Variants in NTRK3 observed in about 807,000 individuals in gnomAD.
NTRK3 encodes the protein neurotrophic receptor tyrosine kinase 3.
NTRK3 carries 24 observed loss-of-function variants against 91.7 expected under a neutral mutation model. That is an observed-to-expected ratio of 0.26 (90% confidence interval 0.19 to 0.37). NTRK3 has a LOEUF of 0.37. Ranked by LOEUF, NTRK3 falls within the 10% of genes least tolerant of loss-of-function variation. The pLI, the probability that NTRK3 is intolerant of heterozygous loss-of-function variation, is 1.00. For synonymous variants in NTRK3, 483 were observed against 404.0 expected, an observed-to-expected ratio of 1.20 and a Z score of -2.34; for missense variants, 880 against 1,068.9, an observed-to-expected ratio of 0.82 and a Z score of 2.46.
chr15:88,080,243 A>G (rs1005543510), intron 13 of NTRK3, among the ~76,000 whole-genome samples: 2 of 152,340 alleles, frequency 1.3e-5, no homozygotes, highest in East Asian at 3.9e-4. Flanking sequence ...GGAATTGCTC[A>G]GTCAAAGAGA....
At chr15:88,061,703 C>T (rs950314588) in intron 13 of NTRK3, among the ~76,000 whole-genome samples, 2 of 152,232 alleles carry the variant, frequency 1.3e-5, no homozygotes, top group Non-Finnish European at 2.9e-5. Flanking sequence ...GAGCAGACGT[C>T]AGAGAGGCTG....
At chr15:88,118,935 C>T (rs1597415864) in intron 13 of NTRK3, among the ~76,000 whole-genome samples, 1 of 152,206 alleles carries the variant, frequency 6.6e-6, no homozygotes, top group African/African-American at 2.4e-5. Flanking sequence ...TAGAGCCAAG[C>T]ATAGTGGTCA....
intron 13 of NTRK3, among the ~76,000 whole-genome samples, chr15:88,092,701 G>C (rs762564120): frequency 6.6e-6 from 1 of 152,190 alleles, no homozygotes; most frequent in African/African-American, 2.4e-5. Context: ...ACTCCCTCTG[G>C]AGGCTCTGGG....
chr15:87,977,876 T>C (rs2073863720), intron 14 of NTRK3: 1 of 232,794 alleles, frequency 4.3e-6, no homozygotes, highest in East Asian at 6.1e-5. Flanking sequence ...TAAGTGGGAA[T>C]CCAAACTCCC....
At chr15:87,902,685 C>T (rs1386420928) in intron 17 of NTRK3, among the ~76,000 whole-genome samples, 3 of 152,038 alleles carry the variant, frequency 2.0e-5, no homozygotes, top group Non-Finnish European at 2.9e-5. Context: ...CAGTACATTG[C>T]CTTTTTGCTT....
exon 19 of NTRK3, chr15:87,875,464 C>G (rs1168749499): frequency 4.3e-6 from 1 of 232,234 alleles, no homozygotes; most frequent in Non-Finnish European, 8.5e-6. Flanking sequence ...TGTTTCCTTC[C>G]CTCTCTCCGG....
intron 13 of NTRK3, among the ~76,000 whole-genome samples, chr15:88,045,287 G>A (rs1235387508): frequency 1.3e-5 from 2 of 152,108 alleles, no homozygotes; most frequent in Non-Finnish European, 2.9e-5. Context: ...AAGCAGTAAG[G>A]AACCTGTCTG....
Position 88,062,714 on chromosome 15 carries a change from T to G in NTRK3, c.1397-29669A>C, listed in dbSNP as rs1206645584. On this transcript the variant is annotated intron_variant, in intron 13 of 18. Transcript: ENST00000394480. ...TCCATTTTCAAAAAGCCATTGTTAT[T>G]TGGAGCTTCTCTGCTACTCACAGCC... 2.6e-5 allele frequency among the ~76,000 whole-genome samples: 4 copies of G among 152,260 alleles called. No individual in the cohort carries two copies. In the East Asian group the frequency reaches 7.7e-4, roughly 29 times the overall value.
chr15:88,010,541 T>C (rs1213725669), intron 14 of NTRK3, among the ~76,000 whole-genome samples: 2 of 150,374 alleles, frequency 1.3e-5, no homozygotes, highest in Non-Finnish European at 3.0e-5. Flanking sequence ...GAAACTATGC[T>C]TTTTTTTTGG....
At position 88,243,540 on chromosome 15, in the gene NTRK3, A is replaced by G. The variant is rs201474513; in HGVS notation, c.248+12366T>C. Among the ~76,000 whole-genome samples the G allele has an allele frequency of 1.2e-4, 1 of 8,510 alleles. No homozygotes were observed. The highest frequency in any genetic ancestry group is 4.8e-3 in the South Asian group (1 of 208). 5.6% of individuals were successfully genotyped at this position (8,510 alleles called of 152,430 possible). On this transcript the variant is annotated intron_variant, in intron 3 of 18. Transcript: ENST00000394480. The surrounding 1 kb of genome is among the most constrained non-coding windows in gnomAD (Gnocchi z 4.8). ...TGATCCCATCCCCCATAGCATGCAC[A>G]CACACACACACACACACACACACAC...
chr15:88,126,471 A>G lies in NTRK3; in HGVS notation c.1294-98T>C, dbSNP rs907617570. ...CCCAGATAAGAACAGTCCTACTGCC[A>G]TAGTAATTGTAGCCTTCTCAGAACT... On this transcript the variant is annotated intron_variant, in intron 12 of 18. Transcript: ENST00000394480. The G allele has an allele frequency of 4.0e-6, 3 of 754,756 alleles. No individual in the cohort carries two copies. In the African/African-American group the frequency reaches 5.2e-5, roughly 13 times the overall value. 46.8% of individuals were successfully genotyped at this position (754,756 alleles called of 1,614,324 possible).
At chr15:87,949,922 G>A (rs184573739) in intron 14 of NTRK3, among the ~76,000 whole-genome samples, 3 of 152,292 alleles carry the variant, frequency 2.0e-5, no homozygotes, top group Admixed American at 2.0e-4. Flanking sequence ...CTGACAACTT[G>A]CTGGGCCCCC....
chr15:88,027,285 T>C (rs1596793796), intron 14 of NTRK3, among the ~76,000 whole-genome samples: 1 of 152,184 alleles, frequency 6.6e-6, no homozygotes, highest in Admixed American at 6.5e-5. Flanking sequence ...TAGTTAAAGA[T>C]CGCATAAGAA....
chr15:87,963,586 C>T (rs1252883166), intron 14 of NTRK3, among the ~76,000 whole-genome samples: 1 of 152,138 alleles, frequency 6.6e-6, no homozygotes, highest in African/African-American at 2.4e-5. Flanking sequence ...ATAAAGTAAG[C>T]TTTGTGTTAC....
chr15:88,097,131 T>C (rs1055539131), intron 13 of NTRK3, among the ~76,000 whole-genome samples: 1 of 152,226 alleles, frequency 6.6e-6, no homozygotes, highest in African/African-American at 2.4e-5. Context: ...ATCTCTGATA[T>C]ATTGGGCTAA....
intron 8 of NTRK3, 150 bp downstream of exon 8, chr15:88,136,317 C>A: frequency 9.1e-7 from 1 of 1,098,966 alleles, no homozygotes. Flanking sequence ...ATGTATAGAG[C>A]GAAATGGCTA....
In NTRK3 at chr15:87,868,722, A is replaced by G. The variant is rs1356925086; in HGVS notation, c.*8213T>C. On this transcript the variant is annotated 3_prime_UTR_variant, in exon 19 of 19. Transcript: ENST00000394480. ...AGGTTCTATGTGGCTGTTGTGCCAC[A>G]ATGTGGAATTATAGAGTGAGTCTGG... 3.6e-5 allele frequency: 8 copies of G among 221,058 alleles called. No individual in the cohort carries two copies. In the South Asian group the frequency reaches 1.5e-3, roughly 41 times the overall value. The allele number at this position is 221,058 out of a possible 1,614,324, so 13.7% of individuals were successfully genotyped here. A position where few individuals can be genotyped will look rare whatever the true frequency, so the allele number is the denominator to read the frequency against.
intron 5 of NTRK3, among the ~76,000 whole-genome samples, chr15:88,163,862 G>C (rs1050806585): frequency 1.3e-5 from 2 of 152,118 alleles, no homozygotes; most frequent in Non-Finnish European, 2.9e-5. Context: ...TCCCACTTTG[G>C]ACAATGTGTT....
At chr15:88,168,407 C>T (rs2045193395) in intron 5 of NTRK3, among the ~76,000 whole-genome samples, 1 of 152,086 alleles carries the variant, frequency 6.6e-6, no homozygotes, top group South Asian at 2.1e-4. Flanking sequence ...AAGAAAGCTG[C>T]TGGGGATCAG....
Sources: allele counts gnomAD v4.1 joint callset (sites outside exome capture counted in the v4.1 genomes callset), GRCh38; gene constraint gnomAD v4.1.1; non-coding constraint Gnocchi (gnomAD v3.1); transcripts MANE v1.5; gene names NCBI Gene and HGNC (gene_info 2026-07-23, HGNC 2026-07-21).